The following NRG3 variants were observed in gnomAD, a reference collection of about 807,000 sequenced individuals.
NRG3 encodes the protein neuregulin 3.
NRG3 carries 31 observed loss-of-function variants against 66.9 expected under a neutral mutation model. The ratio of observed to expected loss-of-function variants is 0.46; its 90% CI spans 0.35 to 0.63. The LOEUF (loss-of-function observed/expected upper bound fraction) is 0.63. Among genes scored for constraint, NRG3 ranks in the 20% least tolerant of loss-of-function variants. The pLI is 0.00. For synonymous variants in NRG3, 393 were observed against 359.4 expected, an observed-to-expected ratio of 1.09 and a Z score of -1.06; for missense variants, 910 against 878.9, an observed-to-expected ratio of 1.04 and a Z score of -0.45.
intron 1 of NRG3, among the ~76,000 whole-genome samples, chr10:82,215,963 CTTTTTTTT>C (rs71894841): frequency 1.2e-4 from 11 of 89,724 alleles, no homozygotes; most frequent in Non-Finnish European, 2.1e-4. Context: ...TTATGTTTTC[CTTTTTTTT>C]TTTTTTTTTT....
At chr10:82,296,432 A>C (rs897725058) in intron 1 of NRG3, among the ~76,000 whole-genome samples, 1 of 152,176 alleles carries the variant, frequency 6.6e-6, no homozygotes, top group African/African-American at 2.4e-5. Context: ...GAGAAGAGAT[A>C]TTCACGGCTA....
intron 1 of NRG3, among the ~76,000 whole-genome samples, chr10:82,328,256 C>T (rs1244061988): frequency 6.6e-6 from 1 of 152,146 alleles, no homozygotes; most frequent in African/African-American, 2.4e-5. Context: ...GTATTTTGGA[C>T]AAGGGTCTTG....
At chr10:82,228,866 C>T (rs1377891986) in intron 1 of NRG3, 1 of 152,196 alleles carries the variant, frequency 6.6e-6, no homozygotes, top group East Asian at 1.9e-4. Flanking sequence ...GCCTGGAAGC[C>T]ACTGAACGTG....
chr10:82,265,248 G>A (rs1342997365), intron 1 of NRG3, among the ~76,000 whole-genome samples: 1 of 152,182 alleles, frequency 6.6e-6, no homozygotes, highest in African/African-American at 2.4e-5. Context: ...CATGATACAT[G>A]TAAGGAGGTG....
intron 1 of NRG3, among the ~76,000 whole-genome samples, chr10:82,081,737 C>T (rs1257225294): frequency 2.6e-5 from 4 of 152,178 alleles, no homozygotes; most frequent in Admixed American, 2.6e-4. Flanking sequence ...TTTGGAGGCA[C>T]AGAGAAAGGC....
chr10:82,981,039 C>A (rs988135925), intron 8 of NRG3, among the ~76,000 whole-genome samples: 1 of 152,106 alleles, frequency 6.6e-6, no homozygotes, highest in Non-Finnish European at 1.5e-5. Flanking sequence ...GACAAAAAAC[C>A]CAGCTCATGC....
At chr10:82,541,959 G>C (rs2043572695) in intron 2 of NRG3, among the ~76,000 whole-genome samples, 1 of 152,130 alleles carries the variant, frequency 6.6e-6, no homozygotes, top group Non-Finnish European at 1.5e-5. Flanking sequence ...TGAGCATGCA[G>C]GTTTGTTATA....
At chr10:82,680,124 T>C (rs1444788479) in intron 2 of NRG3, among the ~76,000 whole-genome samples, 2 of 152,130 alleles carry the variant, frequency 1.3e-5, no homozygotes, top group Non-Finnish European at 2.9e-5. Flanking sequence ...TTACTTATAT[T>C]AACATCATAT....
intron 2 of NRG3, among the ~76,000 whole-genome samples, chr10:82,413,175 A>G (rs186412710): frequency 5.4e-4 from 82 of 152,318 alleles, no homozygotes; most frequent in African/African-American, 1.9e-3. Context: ...ATCACTATCT[A>G]TGGCACCTAG....
At position 82,636,147 on chromosome 10, in the gene NRG3, G is replaced by T. The variant is rs1356468182; in HGVS notation, c.954-102430G>T. On this transcript the variant is annotated intron_variant, in intron 2 of 8. Transcript: ENST00000372141. ...CAAATAAGAGAAAGAAAACTAGGAT[G>T]AACCTTTTTGTATGAGACTGGAATT... is the stretch of plus-strand genomic sequence containing the variant. Among the ~76,000 whole-genome samples, 3 of 152,016 alleles carry T rather than the reference G, an allele frequency of 2.0e-5. No homozygotes were observed. In the East Asian group the frequency reaches 5.8e-4, roughly 29 times the overall value.
At chr10:81,922,636 T>C (rs1413414137) in intron 1 of NRG3, among the ~76,000 whole-genome samples, 1 of 152,176 alleles carries the variant, frequency 6.6e-6, no homozygotes, top group African/African-American at 2.4e-5. Flanking sequence ...AAAATTTGTC[T>C]TTAGTTTTTT....
At chr10:82,446,684 T>G (rs1217573035) in intron 2 of NRG3, among the ~76,000 whole-genome samples, 2 of 152,132 alleles carry the variant, frequency 1.3e-5, no homozygotes, top group East Asian at 3.9e-4. Flanking sequence ...AGCCAATGGA[T>G]GCTTGGCTTA....
chr10:82,947,950 T>A (rs1380036703), intron 4 of NRG3, among the ~76,000 whole-genome samples: 1 of 152,076 alleles, frequency 6.6e-6, no homozygotes, highest in Non-Finnish European at 1.5e-5. Flanking sequence ...TTGAAATATT[T>A]TCTAGTTTGT....
At chr10:82,058,206 A>G (rs926798301) in intron 1 of NRG3, among the ~76,000 whole-genome samples, 1 of 151,968 alleles carries the variant, frequency 6.6e-6, no homozygotes, top group Admixed American at 6.6e-5. Context: ...TATATTAAGG[A>G]TAGCAATTCT....
intron 2 of NRG3, among the ~76,000 whole-genome samples, chr10:82,456,772 T>G (rs914190882): frequency 2.6e-5 from 4 of 152,102 alleles, no homozygotes; most frequent in Non-Finnish European, 5.9e-5. Context: ...GAGCTGCCAT[T>G]AGAAACGCTG....
At chr10:82,015,529 G>T (rs1296848081) in intron 1 of NRG3, among the ~76,000 whole-genome samples, 2 of 152,020 alleles carry the variant, frequency 1.3e-5, no homozygotes, top group Non-Finnish European at 2.9e-5. Flanking sequence ...AATCATGGGG[G>T]TGGTTTCCCC....
intron 3 of NRG3, among the ~76,000 whole-genome samples, chr10:82,746,482 A>G (rs2058650941): frequency 6.6e-6 from 1 of 151,938 alleles, no homozygotes; most frequent in Non-Finnish European, 1.5e-5. Context: ...TGCTCACTAT[A>G]TTGTATCATT....
chr10:81,954,330 A>G (rs931092701), intron 1 of NRG3, among the ~76,000 whole-genome samples: 1 of 152,172 alleles, frequency 6.6e-6, no homozygotes, highest in African/African-American at 2.4e-5. Flanking sequence ...ACTTATGAAA[A>G]TGTATACTAT....
chr10:82,685,282 G>A (rs188959864), intron 2 of NRG3, among the ~76,000 whole-genome samples: 88 of 152,266 alleles, frequency 5.8e-4, no homozygotes, highest in African/African-American at 1.9e-3. Context: ...CTGTGTAAGT[G>A]CACACAGGGA....
Sources: allele counts gnomAD v4.1 joint callset (sites outside exome capture counted in the v4.1 genomes callset), GRCh38; gene constraint gnomAD v4.1.1; transcripts MANE v1.5; gene names NCBI Gene and HGNC (gene_info 2026-07-23, HGNC 2026-07-21).